Variants in NIPAL3 observed in about 807,000 individuals in gnomAD.
NIPAL3 encodes the protein NIPA-like protein 3.
In NIPAL3, 41 loss-of-function variants were observed where a neutral mutation model predicts 47.2. The ratio of observed to expected loss-of-function variants is 0.87; its 90% CI spans 0.68 to 1.13. The LOEUF (loss-of-function observed/expected upper bound fraction) is 1.13, where lower values mean the gene tolerates loss of function less well. Among genes scored for constraint, NIPAL3 ranks in the 50% most tolerant of loss-of-function variants. NIPAL3 has a pLI of 0.00. For missense variants in NIPAL3, 449 were observed against 530.1 expected (o/e 0.85, Z 1.50); for synonymous variants, 194 against 209.6 (o/e 0.93, Z 0.64).
chr1:24,454,123 C>T lies in NIPAL3; in HGVS notation c.637+619C>T, dbSNP rs1209491383. The T allele has an allele frequency of 4.1e-6, 5 of 1,209,686 alleles. No individual in the cohort carries two copies. The highest frequency in any genetic ancestry group is 2.2e-6 in the Non-Finnish European group (2 of 929,778). The allele number at this position is 1,209,686 out of a possible 1,614,324, so 74.9% of individuals were successfully genotyped here. ...CTCTCTGCAGCCTTGACCTCCTGGC[C>T]TCAAGTGATCCCCCTGCCTCGGCCT... On this transcript the variant is annotated intron_variant, in intron 7 of 11. Transcript: ENST00000374399. This position sits in a 1 kb window ranked among gnomAD's most constrained non-coding sequence, Gnocchi z 4.1.
chr1:24,459,025 G>A, intron 9 of NIPAL3, 49 bp downstream of exon 9: 1 of 1,538,690 alleles, frequency 6.5e-7, no homozygotes, highest in African/African-American at 1.4e-5. Flanking sequence ...TAGCAGCAGG[G>A]TATTATCCCA....
intron 2 of NIPAL3, among the ~76,000 whole-genome samples, chr1:24,424,164 G>C (rs1197200711): frequency 6.6e-6 from 1 of 152,184 alleles, no homozygotes; most frequent in African/African-American, 2.4e-5. Context: ...ATGAATTGAG[G>C]TGAGGGACAG....
chr1:24,429,345 A>C (rs1379908984), intron 2 of NIPAL3, among the ~76,000 whole-genome samples: 6 of 4,918 alleles, frequency 1.2e-3, no homozygotes, highest in Non-Finnish European at 1.6e-3. Flanking sequence ...CATTTCTGGC[A>C]AATTTAAACT....
intron 2 of NIPAL3, among the ~76,000 whole-genome samples, chr1:24,427,951 A>C (rs1197165628): frequency 6.6e-6 from 1 of 152,130 alleles, no homozygotes; most frequent in African/African-American, 2.4e-5. Context: ...GGTCATAGAA[A>C]CCACAACCCC....
At chr1:24,427,512 A>G (rs1389666478) in intron 2 of NIPAL3, among the ~76,000 whole-genome samples, 1 of 152,240 alleles carries the variant, frequency 6.6e-6, no homozygotes, top group African/African-American at 2.4e-5. Context: ...GGCTTTTAAA[A>G]GAAACCTCAG....
chr1:24,468,294 G>A (rs1267043161), intron 11 of NIPAL3, among the ~76,000 whole-genome samples: 2 of 152,090 alleles, frequency 1.3e-5, no homozygotes, highest in African/African-American at 2.4e-5. Flanking sequence ...CAGCCTGGGC[G>A]ACAGAGCAAG....
In NIPAL3 at chr1:24,454,306, C is replaced by T. The variant is rs1278015598; in HGVS notation, c.637+802C>T. Reference sequence around the variant, plus strand: ...TGTCAGGGCTGGTGAAGCCTGCTACCGCGCTGCTCTTGAGTGGCCTCAGGC... The same window carrying T: ...TGTCAGGGCTGGTGAAGCCTGCTACTGCGCTGCTCTTGAGTGGCCTCAGGC... On this transcript the variant is annotated intron_variant, in intron 7 of 11. Coordinates refer to ENST00000374399, the MANE Select transcript of NIPAL3 (RefSeq NM_020448.5). The surrounding 1 kb of genome is among the most constrained non-coding windows in gnomAD (Gnocchi z 4.1). 1.3e-5 allele frequency: 15 copies of T among 1,148,236 alleles called. No homozygotes were observed. Among genetic ancestry groups the T allele is most frequent in the Admixed American group, 4.3e-5 (1 of 23,002 alleles). The allele number at this position is 1,148,236 out of a possible 1,614,324, so 71.1% of individuals were successfully genotyped here.
intron 9 of NIPAL3, among the ~76,000 whole-genome samples, chr1:24,459,778 C>G (rs779010692): frequency 6.6e-6 from 1 of 152,204 alleles, no homozygotes; most frequent in Non-Finnish European, 1.5e-5. Flanking sequence ...AAGTCAGGGT[C>G]AAGAAGCTTG....
At chr1:24,459,153 C>T (rs1361182399) in intron 9 of NIPAL3, among the ~76,000 whole-genome samples, 177 bp downstream of exon 9, 2 of 152,194 alleles carry the variant, frequency 1.3e-5, no homozygotes, top group Non-Finnish European at 1.5e-5. Context: ...AGCACAGACG[C>T]ACATCAGCTC....
In NIPAL3 at chr1:24,416,158, A is replaced by T; in HGVS notation, c.-258+254A>T. Reference sequence around the variant, plus strand: ...CCAAACCAGGAAGTGACATGGAGTTAACTTTGCCAGAATTTCTCCTCTTCG... The same window carrying T: ...CCAAACCAGGAAGTGACATGGAGTTTACTTTGCCAGAATTTCTCCTCTTCG... On this transcript the variant is annotated intron_variant, in intron 1 of 11. Transcript: ENST00000374399. The surrounding 1 kb of genome is among the most constrained non-coding windows in gnomAD (Gnocchi z 4.8). 1.0e-6 allele frequency: 1 copy of T among 985,468 alleles called. No homozygotes were observed. Among genetic ancestry groups the T allele is most frequent in the Non-Finnish European group, 1.2e-6 (1 of 829,998 alleles). 61.0% of individuals were successfully genotyped at this position (985,468 alleles called of 1,614,324 possible). A position where few individuals can be genotyped will look rare whatever the true frequency, so the allele number is the denominator to read the frequency against.
At chr1:24,426,198 T>C (rs566184215) in intron 2 of NIPAL3, among the ~76,000 whole-genome samples, 32 of 152,136 alleles carry the variant, frequency 2.1e-4, no homozygotes, top group Non-Finnish European at 4.4e-4. Context: ...AACACTCCAT[T>C]GAGAGACTGC....
At chr1:24,429,882 T>C (rs1179879611) in intron 2 of NIPAL3, among the ~76,000 whole-genome samples, 1 of 152,226 alleles carries the variant, frequency 6.6e-6, no homozygotes, top group Non-Finnish European at 1.5e-5. Flanking sequence ...TAAGAAAAGA[T>C]GTAGAATAGG....
chr1:24,453,954 TC>T (rs1646066145), intron 7 of NIPAL3: 1 of 431,788 alleles, frequency 2.3e-6, no homozygotes, highest in Non-Finnish European at 4.5e-6. Flanking sequence ...TTTTTTCTTT[TC>T]CTTTTAGAGG....
At chr1:24,463,922 C>G (rs1238436257) in intron 10 of NIPAL3, 104 bp from the exon 11 acceptor site, 1 of 940,008 alleles carries the variant, frequency 1.1e-6, no homozygotes, top group Non-Finnish European at 1.6e-6. Flanking sequence ...TCCTCCGCAG[C>G]CTGCAAGCCT....
At chr1:24,431,186 G>C (rs1420917932) in intron 2 of NIPAL3, among the ~76,000 whole-genome samples, 2 of 152,136 alleles carry the variant, frequency 1.3e-5, no homozygotes, top group South Asian at 4.1e-4. Context: ...TTCTTGGGAT[G>C]GGCGTTACAG....
chr1:24,423,025 G>C (rs966042574), intron 2 of NIPAL3, among the ~76,000 whole-genome samples: 3 of 152,194 alleles, frequency 2.0e-5, no homozygotes, highest in African/African-American at 7.2e-5. Context: ...TTGTGCCCCT[G>C]CTAGTCACTC....
intron 2 of NIPAL3, chr1:24,422,233 C>G (rs982268710): frequency 6.6e-6 from 1 of 152,222 alleles, no homozygotes; most frequent in Non-Finnish European, 1.5e-5. Flanking sequence ...TCCATGAAAG[C>G]CTGTTGTTTC....
chr1:24,442,070 C>G lies in NIPAL3; in HGVS notation c.178C>G (p.Arg60Gly). The change falls in exon 4 of 12, where the codon CGC becomes GGC. Residue 60 changes from arginine (R) to glycine (G), a missense_variant. Physicochemically the swap from Arg to Gly is moderately radical, Grantham distance 125. Transcript: ENST00000374399. ...ALNLQKYCHI[R>G]LAGSKDPRAY... is the part of the protein sequence containing the mutation. ...GGGTTTCTAGAAGTACTGCCACATC[C>G]GCCTGGCAGGCTCCAAGGATCCCCG... 1 of 1,613,812 alleles carries G rather than the reference C, an allele frequency of 6.2e-7. No individual in the cohort carries two copies. Among genetic ancestry groups the G allele is most frequent in the South Asian group, 1.1e-5 (1 of 91,038 alleles).
chr1:24,430,305 CAA>C (rs1644822338), intron 2 of NIPAL3, among the ~76,000 whole-genome samples: 3 of 150,758 alleles, frequency 2.0e-5, no homozygotes, highest in Non-Finnish European at 4.4e-5. Context: ...TGCAGGAGTG[CAA>C]TGGCGCGATC....
Sources: gnomAD v4.1 joint callset for allele counts (sites outside exome capture counted in the v4.1 genomes callset) on GRCh38, gnomAD v4.1.1 for gene constraint, Gnocchi (gnomAD v3.1) non-coding constraint, MANE v1.5 for transcripts, NCBI Gene and HGNC (gene_info 2026-07-23, HGNC 2026-07-21) for gene names.